The following NPC1 variants were observed in gnomAD, a reference collection of about 807,000 sequenced individuals.
NPC1 encodes NPC intracellular cholesterol transporter 1, also known as Niemann-Pick C1 protein.
Under a neutral mutation model 140.4 loss-of-function variants are expected in NPC1, and 85 were observed. The ratio of observed to expected loss-of-function variants is 0.61; its 90% CI spans 0.51 to 0.72. The LOEUF is 0.72. Ranked by LOEUF, NPC1 falls within the 30% of genes least tolerant of loss-of-function variation. NPC1 has a pLI of 0.00. For missense variants in NPC1, 1,504 were observed against 1,623.8 expected, an observed-to-expected ratio of 0.93 and a Z score of 1.27; for synonymous variants, 656 against 624.8, an observed-to-expected ratio of 1.05 and a Z score of -0.74.
At chr18:23,569,816 T>C (rs1299223201) in intron 3 of NPC1, among the ~76,000 whole-genome samples, 3 of 152,186 alleles carry the variant, frequency 2.0e-5, no homozygotes, top group Non-Finnish European at 4.4e-5. Context: ...AGCACACAAC[T>C]GCACAAGAAC....
chr18:23,527,234 A>AG (rs2058328579), downstream of NPC1, among the ~76,000 whole-genome samples: 1 of 151,088 alleles, frequency 6.6e-6, no homozygotes, highest in East Asian at 1.9e-4. Flanking sequence ...AAAAAAAAAA[A>AG]AAAAAAAAAA....
intron 3 of NPC1, chr18:23,516,441 A>AG: frequency 6.2e-7 from 1 of 1,608,678 alleles, no homozygotes; most frequent in Non-Finnish European, 8.5e-7. Context: ...CGTGTCAGAG[A>AG]GAATTCCATC....
At chr18:23,558,717 G>GTT (rs138429491) in intron 6 of NPC1, among the ~76,000 whole-genome samples, 4,803 of 150,190 alleles carry the variant, frequency 0.032, 242 homozygotes, top group African/African-American at 0.11. Context: ...TGTACTATGA[G>GTT]TTTTTTTTTT....
intron 4 of NPC1, among the ~76,000 whole-genome samples, chr18:23,565,335 A>C (rs772565112): frequency 6.6e-6 from 1 of 152,146 alleles, no homozygotes; most frequent in African/African-American, 2.4e-5. Context: ...ATTTCGCTGA[A>C]TAATGTTCTT....
chr18:23,568,775 C>T (rs1457925248), intron 4 of NPC1, 48 bp downstream of exon 4: 2 of 1,472,092 alleles, frequency 1.4e-6, no homozygotes, highest in Non-Finnish European at 1.9e-6. Flanking sequence ...ATTTGCTCTG[C>T]TGTCCTGATG....
chr18:23,540,257 G>A (rs751513537), intron 17 of NPC1, among the ~76,000 whole-genome samples, 191 bp downstream of exon 17: 5 of 152,140 alleles, frequency 3.3e-5, no homozygotes, highest in Non-Finnish European at 5.9e-5. Context: ...TGTGCCCAGA[G>A]GGGCTCAGTC....
chr18:23,507,375 T>G (rs1160472008), intron 3 of NPC1, among the ~76,000 whole-genome samples: 3 of 152,220 alleles, frequency 2.0e-5, no homozygotes, highest in Non-Finnish European at 2.9e-5. Flanking sequence ...TTCTCTCGCC[T>G]CAGTCTCCCT....
downstream of NPC1, chr18:23,519,224 G>C (rs1213384534): frequency 6.5e-7 from 1 of 1,528,302 alleles, no homozygotes; most frequent in Non-Finnish European, 9.1e-7. Context: ...TAAAAGCCTT[G>C]TGAAAATTGG....
chr18:23,517,730 A>AT (rs1483483605), downstream of NPC1, among the ~76,000 whole-genome samples: 4 of 150,304 alleles, frequency 2.7e-5, no homozygotes, highest in South Asian at 6.3e-4. Flanking sequence ...TTATTTTTAA[A>AT]TTTTTTTTGG....
chr18:23,568,484 T>G (rs1464612111), intron 4 of NPC1, among the ~76,000 whole-genome samples: 1 of 152,230 alleles, frequency 6.6e-6, no homozygotes, highest in Non-Finnish European at 1.5e-5. Context: ...AACAGTTCTA[T>G]CTTCTCAGTC....
At chr18:23,516,112 T>TCTGACCACTAGAGGGCA in intron 3 of NPC1, 1 of 1,485,998 alleles carries the variant, frequency 6.7e-7, no homozygotes, top group Non-Finnish European at 9.2e-7. Context: ...ACGTCACCGC[T>TCTGACCACTAGAGGGCA]CTGACCACTA....
chr18:23,532,636 A>G (rs1311665805), intron 24 of NPC1, among the ~76,000 whole-genome samples: 2 of 147,764 alleles, frequency 1.4e-5, no homozygotes, highest in African/African-American at 2.5e-5. Context: ...AGGCCTCACT[A>G]TGTTGCCTAG....
At chr18:23,517,685 T>G (rs941046726), downstream of NPC1, among the ~76,000 whole-genome samples, 2 of 151,796 alleles carry the variant, frequency 1.3e-5, no homozygotes, top group Non-Finnish European at 2.9e-5. Flanking sequence ...TCTTCTTCCT[T>G]TTTTTTTAAA....
chr18:23,533,587 A>T lies in NPC1; in HGVS notation c.3592-70T>A, dbSNP rs1652377. Reference sequence around the variant, plus strand: ...TAATTGAACAAAAACACTTCCTTACAAGGATTTCTCCCAGGTTCAAGTGAT... The same window carrying T: ...TAATTGAACAAAAACACTTCCTTACTAGGATTTCTCCCAGGTTCAAGTGAT... On this transcript the variant is annotated intron_variant, in intron 23 of 24. Coordinates refer to ENST00000269228, the MANE Select transcript of NPC1 (RefSeq NM_000271.5). 3.4e-6 allele frequency: 5 copies of T among 1,458,736 alleles called. No homozygotes were observed. The East Asian group carries it at 6.8e-5, about 20-fold the overall frequency. 90.4% of individuals were successfully genotyped at this position (1,458,736 alleles called of 1,614,324 possible).
At chr18:23,560,068 T>C (rs1210953349) in intron 6 of NPC1, among the ~76,000 whole-genome samples, 163 bp downstream of exon 6, 1 of 152,224 alleles carries the variant, frequency 6.6e-6, no homozygotes, top group Non-Finnish European at 1.5e-5. Context: ...AGAACTTTGA[T>C]GGTTTACTAT....
At chr18:23,522,821 G>C (rs991575659) in exon 2 of NPC1, 1 of 152,324 alleles carries the variant, frequency 6.6e-6, no homozygotes, top group African/African-American at 2.4e-5. Flanking sequence ...TTTCCTGCTG[G>C]GCTGTGAGCC....
In NPC1 at chr18:23,545,144, A is replaced by G; in HGVS notation, c.1763T>C (p.Ile588Thr). The change falls in exon 12 of 25, where the codon ATT (isoleucine) becomes ACT (threonine). Residue 588 changes from isoleucine to threonine, a missense_variant. Ile to Thr is a moderately conservative substitution (Grantham distance 89). Coordinates refer to ENST00000269228, the MANE Select transcript of NPC1 (RefSeq NM_000271.5). ...ATTCTTGTAGTTTTTCACAAAATTA[A>G]TAAACCTAAAAGGTAAGCAAAATGT... ...QRAQAWEKEF[I>T]NFVKNYKNPN... 2 of 1,606,954 alleles carry G rather than the reference A, an allele frequency of 1.2e-6. No homozygotes were observed. Among genetic ancestry groups the G allele is most frequent in the South Asian group, 1.1e-5 (1 of 90,908 alleles).
intron 1 of NPC1, among the ~76,000 whole-genome samples, chr18:23,577,411 C>T (rs1480467680): frequency 5.9e-5 from 9 of 151,310 alleles, no homozygotes; most frequent in Non-Finnish European, 1.3e-4. Flanking sequence ...AAAGGTTCTC[C>T]ACGTCCTCAC....
In NPC1 at chr18:23,556,548, G is replaced by A. The variant is rs770271541; in HGVS notation, c.1021C>T (p.Arg341Cys). 30 of 1,614,004 alleles carry A rather than the reference G, an allele frequency of 1.9e-5. No homozygotes were observed. The highest frequency in any genetic ancestry group is 1.6e-4 in the Middle Eastern group (1 of 6,084). ...TTTCGGACGCAGAAAGACCCCCAGC[G>A]TGTGAACAGCCGCCTCAAGCAGCCC... Reference protein sequence around the residue: ...FEGCLRRLFTRWGSFCVRNPG... With the variant: ...FEGCLRRLFTCWGSFCVRNPG... The change falls in exon 8 of 25, where the codon CGC (arginine) becomes TGC (cysteine). Residue 341 changes from arginine (R) to cysteine (C), a missense_variant. By Grantham distance (180) the Arg-to-Cys change is radical. Transcript: ENST00000269228.
Sources: gnomAD v4.1 joint callset for allele counts (sites outside exome capture counted in the v4.1 genomes callset) on GRCh38, gnomAD v4.1.1 for gene constraint, MANE v1.5 for transcripts, NCBI Gene and HGNC (gene_info 2026-07-23, HGNC 2026-07-21) for gene names.